Variants in ESRRG observed in about 807,000 individuals in gnomAD.
The protein encoded by ESRRG is estrogen related receptor gamma, also known as estrogen-related receptor gamma.
In ESRRG, 13 loss-of-function variants were observed where a neutral mutation model predicts 44.0. The ratio of observed to expected loss-of-function variants is 0.30; its 90% CI spans 0.19 to 0.47. ESRRG has a LOEUF of 0.47. Among genes scored for constraint, ESRRG ranks in the 20% least tolerant of loss-of-function variants. The probability of loss-of-function intolerance (pLI) is 1.00; values close to 1 mark genes in which losing one functional copy is unlikely to be tolerated. For missense variants in ESRRG, 395 were observed against 580.6 expected, an observed-to-expected ratio of 0.68 and a Z score of 3.29; for synonymous variants, 215 against 214.6, an observed-to-expected ratio of 1.00 and a Z score of -0.02.
intron 1 of ESRRG, among the ~76,000 whole-genome samples, chr1:216,702,279 CTTA>C (rs2081514371): frequency 6.6e-6 from 1 of 152,042 alleles, no homozygotes; most frequent in Non-Finnish European, 1.5e-5. Context: ...ATTCTCTAGT[CTTA>C]TGAGAGAGGG....
rs72741441 is a variant in ESRRG at position 216,959,040 on chromosome 1, G to A, written c.-105-19367C>T. Among the ~76,000 whole-genome samples, 823 of 151,652 alleles carry A rather than the reference G, an allele frequency of 5.4e-3. 5 individuals are homozygous for A. Among genetic ancestry groups the A allele is most frequent in the Non-Finnish European group, 8.4e-3 (573 of 67,882 alleles). ...TTTTACACTTATTTTTAGTTCCTTCGTCCCTCTCTCTTTCCCTCCCTTTTG... is the reference window on the plus strand; with the variant it reads ...TTTTACACTTATTTTTAGTTCCTTCATCCCTCTCTCTTTCCCTCCCTTTTG... On this transcript the variant is annotated intron_variant, in intron 1 of 7. Transcript: ENST00000359162.
intron 2 of ESRRG, among the ~76,000 whole-genome samples, chr1:216,859,971 C>T (rs2813683): frequency 0.49 from 74,466 of 152,012 alleles, 20,606 homozygotes; most frequent in African/African-American, 0.76. Flanking sequence ...ATGTTAGAAA[C>T]AGCAGACAAA....
chr1:217,134,007 T>G (rs1558298981), intron 1 of ESRRG, among the ~76,000 whole-genome samples: 1 of 152,092 alleles, frequency 6.6e-6, no homozygotes, highest in Non-Finnish European at 1.5e-5. Context: ...CAGAAACTTG[T>G]TTCTGCTTTT....
intron 1 of ESRRG, among the ~76,000 whole-genome samples, chr1:217,107,830 A>G (rs1030038282): frequency 2.6e-5 from 4 of 152,298 alleles, no homozygotes; most frequent in African/African-American, 9.6e-5. Flanking sequence ...CTGCTGAGTC[A>G]GAGCCAAAAA....
intron 1 of ESRRG, among the ~76,000 whole-genome samples, chr1:217,032,245 T>G (rs1019961481): frequency 1.3e-5 from 2 of 152,224 alleles, no homozygotes; most frequent in Non-Finnish European, 2.9e-5. Context: ...GAAAATTAAA[T>G]TTTCAGTAAG....
intron 1 of ESRRG, among the ~76,000 whole-genome samples, chr1:216,971,856 A>T (rs962493085): frequency 6.6e-6 from 1 of 152,162 alleles, no homozygotes; most frequent in Admixed American, 6.5e-5. Flanking sequence ...ATCTTATCTG[A>T]GGTGAAGATT....
At chr1:216,998,856 G>C (rs545321095) in intron 1 of ESRRG, among the ~76,000 whole-genome samples, 2 of 152,302 alleles carry the variant, frequency 1.3e-5, no homozygotes, top group South Asian at 4.1e-4. Context: ...TGGCCATTGA[G>C]AGCACCTAGG....
At chr1:217,094,061 T>C (rs1251699483), upstream of ESRRG, among the ~76,000 whole-genome samples, 2 of 151,830 alleles carry the variant, frequency 1.3e-5, no homozygotes, top group Non-Finnish European at 1.5e-5. Context: ...TTTTTAAACT[T>C]TTTTGTAGAG....
intron 2 of ESRRG, among the ~76,000 whole-genome samples, chr1:216,927,099 A>G (rs182739512): frequency 1.8e-4 from 28 of 152,322 alleles, no homozygotes; most frequent in Non-Finnish European, 3.1e-4. Flanking sequence ...AATCCGAACC[A>G]TAACTCAAGA....
At chr1:216,684,529 G>T (rs1336877380) in intron 1 of ESRRG, among the ~76,000 whole-genome samples, 1 of 152,162 alleles carries the variant, frequency 6.6e-6, no homozygotes, top group Non-Finnish European at 1.5e-5. Flanking sequence ...TTGCATACAT[G>T]ATGTTTTGCA....
chr1:216,554,583 C>T (rs147882514), intron 5 of ESRRG, among the ~76,000 whole-genome samples: 2,635 of 152,144 alleles, frequency 0.017, 51 homozygotes, highest in South Asian at 0.045. Flanking sequence ...TTGCACTGAG[C>T]TATGATCATG....
At chr1:216,922,852 C>T (rs939940296) in intron 2 of ESRRG, among the ~76,000 whole-genome samples, 1 of 152,194 alleles carries the variant, frequency 6.6e-6, no homozygotes, top group African/African-American at 2.4e-5. Context: ...AAGAGCCATA[C>T]TGTTGTGCGC....
At chr1:216,911,943 T>G (rs1054334925) in intron 2 of ESRRG, among the ~76,000 whole-genome samples, 9 of 150,972 alleles carry the variant, frequency 6.0e-5, no homozygotes, top group African/African-American at 2.2e-4. Flanking sequence ...GGTGTGGTGA[T>G]GTGCACCTGT....
At chr1:216,887,277 T>C (rs1301566728) in intron 2 of ESRRG, among the ~76,000 whole-genome samples, 1 of 152,196 alleles carries the variant, frequency 6.6e-6, no homozygotes, top group African/African-American at 2.4e-5. Flanking sequence ...TACATATCAG[T>C]TAAGTAAACT....
chr1:217,124,140 A>G (rs1298262433), intron 1 of ESRRG, among the ~76,000 whole-genome samples: 3 of 152,182 alleles, frequency 2.0e-5, no homozygotes, highest in Non-Finnish European at 4.4e-5. Flanking sequence ...AGCTCCCTGA[A>G]GGCAGCAATT....
At chr1:216,805,634 C>A (rs574909012) in intron 2 of ESRRG, among the ~76,000 whole-genome samples, 1 of 152,022 alleles carries the variant, frequency 6.6e-6, no homozygotes, top group African/African-American at 2.4e-5. Flanking sequence ...GTACAGTCTA[C>A]AGTCTGTCAA....
At chr1:216,643,808 C>T (rs188208088) in intron 3 of ESRRG, among the ~76,000 whole-genome samples, 1 of 152,250 alleles carries the variant, frequency 6.6e-6, no homozygotes, top group Admixed American at 6.5e-5. Context: ...TATTTATATA[C>T]CTTAAGCTCA....
In ESRRG at chr1:216,643,436, T is replaced by G. The variant is rs898169295; in HGVS notation, c.589+7537A>C. 2.6e-5 allele frequency among the ~76,000 whole-genome samples: 4 copies of G among 152,300 alleles called. No individual in the cohort carries two copies. In the East Asian group the frequency reaches 7.7e-4, roughly 29 times the overall value. On this transcript the variant is annotated intron_variant, in intron 3 of 6. Transcript: ENST00000408911. ...TTTCCTAAACATTAGGTCAGCACTG[T>G]TAATCTATGAGTCAGAGAAAAAGAT...
intron 2 of ESRRG, among the ~76,000 whole-genome samples, chr1:216,835,288 C>A (rs1326381673): frequency 1.3e-5 from 2 of 152,132 alleles, no homozygotes; most frequent in African/African-American, 4.8e-5. Context: ...AGAGACACTC[C>A]AGCGCAGCCA....
Sources: allele counts gnomAD v4.1 joint callset (sites outside exome capture counted in the v4.1 genomes callset), GRCh38; gene constraint gnomAD v4.1.1; transcripts MANE v1.5; gene names NCBI Gene and HGNC (gene_info 2026-07-23, HGNC 2026-07-21).